Variants in ARFIP1 observed in about 807,000 individuals in gnomAD.
ARFIP1 encodes the protein ARF interacting protein 1.
Under a neutral mutation model 42.5 loss-of-function variants are expected in ARFIP1, and 24 were observed. The observed-to-expected ratio is 0.57, with a 90% CI of 0.41 to 0.80. The LOEUF is 0.80. Among genes scored for constraint, ARFIP1 ranks in the 30% least tolerant of loss-of-function variants. The probability of loss-of-function intolerance (pLI) is 0.00; values close to 1 mark genes in which losing one functional copy is unlikely to be tolerated. For missense variants in ARFIP1, 354 were observed against 434.0 expected (o/e 0.82, Z 1.64); for synonymous variants, 141 against 153.7 (o/e 0.92, Z 0.61).
At chr4:152,896,749 TAA>T (rs779691185) in intron 8 of ARFIP1, among the ~76,000 whole-genome samples, 2 of 143,998 alleles carry the variant, frequency 1.4e-5, no homozygotes, top group Non-Finnish European at 1.5e-5. Flanking sequence ...TTAAGTTAGC[TAA>T]AAAAAAAAAA....
rs201569210 is a variant in ARFIP1, at chr4:152,804,488, TTA to T, written c.-10+24273_-10+24274del. Reference sequence around the variant, plus strand: ...ATATAATATATATAATATATATTATTTATATATATATAATATATATATATATA... The same window carrying T: ...ATATAATATATATAATATATATTATTTATATATATAATATATATATATATA... On this transcript the variant is annotated intron_variant, in intron 1 of 8. Transcript: ENST00000353617. Among the ~76,000 whole-genome samples the T allele has an allele frequency of 7.7e-5, 7 of 90,486 alleles. 1 individual carries two copies. The highest frequency in any genetic ancestry group is 8.9e-5 in the Non-Finnish European group (4 of 44,838). 59.4% of individuals were successfully genotyped at this position (90,486 alleles called of 152,430 possible). A position where few individuals can be genotyped will look rare whatever the true frequency, so the allele number is the denominator to read the frequency against.
chr4:152,790,876 G>C (rs1291989979), intron 1 of ARFIP1, among the ~76,000 whole-genome samples: 2 of 151,384 alleles, frequency 1.3e-5, no homozygotes, highest in African/African-American at 2.4e-5. Context: ...GGGACCCCAG[G>C]TGCGTGCCAC....
chr4:152,866,345 G>A (rs574587332), intron 3 of ARFIP1, among the ~76,000 whole-genome samples: 1 of 152,022 alleles, frequency 6.6e-6, no homozygotes, highest in Non-Finnish European at 1.5e-5. Context: ...CCACAAAACC[G>A]CCATTGTCAT....
At chr4:152,823,942 A>G (rs533469045) in intron 1 of ARFIP1, among the ~76,000 whole-genome samples, 2 of 152,252 alleles carry the variant, frequency 1.3e-5, no homozygotes, top group South Asian at 2.1e-4. Context: ...CTACAGACCA[A>G]TATACCTGAT....
At chr4:152,849,605 G>A (rs1371482794) in intron 2 of ARFIP1, among the ~76,000 whole-genome samples, 1 of 152,068 alleles carries the variant, frequency 6.6e-6, no homozygotes, top group Non-Finnish European at 1.5e-5. Flanking sequence ...GTAAGTTCTT[G>A]TTAAATATTG....
At chr4:152,806,958 CCT>C (rs1356699789) in intron 1 of ARFIP1, among the ~76,000 whole-genome samples, 1 of 152,142 alleles carries the variant, frequency 6.6e-6, no homozygotes, top group East Asian at 1.9e-4. Context: ...CCCACCTCAA[CCT>C]GCTGAGTAGC....
intron 7 of ARFIP1, chr4:152,883,238 G>A (rs1359786336): frequency 4.9e-6 from 1 of 202,652 alleles, no homozygotes. Flanking sequence ...CCCAAACCCT[G>A]CCTTCTAGTG....
intron 8 of ARFIP1, among the ~76,000 whole-genome samples, chr4:152,894,079 G>A (rs562829275): frequency 1.1e-4 from 17 of 151,632 alleles, no homozygotes; most frequent in African/African-American, 4.1e-4. Context: ...TTAGCCTAGC[G>A]TGCCCATAAT....
chr4:152,835,675 T>G (rs1273067316), intron 2 of ARFIP1, among the ~76,000 whole-genome samples: 1 of 152,246 alleles, frequency 6.6e-6, no homozygotes, highest in Admixed American at 6.5e-5. Flanking sequence ...TTCAGGAACA[T>G]TTATAGCAAT....
intron 3 of ARFIP1, among the ~76,000 whole-genome samples, chr4:152,868,085 C>T (rs1561155910): frequency 6.6e-6 from 1 of 152,182 alleles, no homozygotes; most frequent in Non-Finnish European, 1.5e-5. Context: ...ATTGCTTAAA[C>T]AGTTAACAAG....
At chr4:152,836,545 G>T (rs534067165) in intron 2 of ARFIP1, among the ~76,000 whole-genome samples, 33 of 151,962 alleles carry the variant, frequency 2.2e-4, no homozygotes, top group Admixed American at 2.0e-3. Context: ...TTTTTGGTCT[G>T]ACCTTGAAGC....
chr4:152,830,726 T>C (rs1731188932), intron 2 of ARFIP1, among the ~76,000 whole-genome samples: 1 of 152,200 alleles, frequency 6.6e-6, no homozygotes, highest in South Asian at 2.1e-4. Flanking sequence ...GGCACATTCC[T>C]GGCCTCTTCC....
At chr4:152,883,638 A>C (rs1736027715) in intron 7 of ARFIP1, among the ~76,000 whole-genome samples, 1 of 151,512 alleles carries the variant, frequency 6.6e-6, no homozygotes, top group African/African-American at 2.4e-5. Flanking sequence ...ATATGTATAT[A>C]TACAGTTTCC....
At chr4:152,849,991 AC>A (rs1170289808) in intron 2 of ARFIP1, among the ~76,000 whole-genome samples, 2 of 152,124 alleles carry the variant, frequency 1.3e-5, no homozygotes, top group African/African-American at 4.8e-5. Flanking sequence ...CTGCCCTGAC[AC>A]TTTTTTGGCA....
intron 1 of ARFIP1, among the ~76,000 whole-genome samples, chr4:152,817,217 C>T (rs985971949): frequency 5.9e-5 from 9 of 152,180 alleles, no homozygotes; most frequent in Non-Finnish European, 1.2e-4. Flanking sequence ...TAATTAGAGT[C>T]CAAATACTAG....
chr4:152,794,029 C>G (rs1423184813), intron 1 of ARFIP1, among the ~76,000 whole-genome samples: 1 of 152,088 alleles, frequency 6.6e-6, no homozygotes, highest in Non-Finnish European at 1.5e-5. Context: ...AACTTTTCAT[C>G]TAATTTTAGA....
intron 8 of ARFIP1, among the ~76,000 whole-genome samples, chr4:152,905,349 G>T (rs1290226627): frequency 1.3e-5 from 2 of 152,028 alleles, no homozygotes; most frequent in African/African-American, 2.4e-5. Context: ...GGTCAGTAAG[G>T]AGTATGGTCA....
At chr4:152,842,370 G>A (rs1732168187) in intron 2 of ARFIP1, among the ~76,000 whole-genome samples, 1 of 149,432 alleles carries the variant, frequency 6.7e-6, no homozygotes, top group African/African-American at 2.5e-5. Context: ...TCTTAACTTT[G>A]GATAACCCGA....
At chr4:152,852,136 T>G (rs1298185472) in intron 2 of ARFIP1, among the ~76,000 whole-genome samples, 2 of 152,254 alleles carry the variant, frequency 1.3e-5, no homozygotes, top group Non-Finnish European at 2.9e-5. Flanking sequence ...ATACACTTGT[T>G]AAGCTTGGCC....
Sources: gnomAD v4.1 joint callset for allele counts (sites outside exome capture counted in the v4.1 genomes callset) on GRCh38, gnomAD v4.1.1 for gene constraint, MANE v1.5 for transcripts, NCBI Gene and HGNC (gene_info 2026-07-23, HGNC 2026-07-21) for gene names.